CCDC6: variants seen among roughly 807,000 people sequenced by gnomAD.
The protein encoded by CCDC6 is coiled-coil domain containing 6.
CCDC6 carries 20 observed loss-of-function variants against 56.6 expected under a neutral mutation model. That is an observed-to-expected ratio of 0.35 (90% CI 0.25 to 0.51). The LOEUF is 0.51. Ranked by LOEUF, CCDC6 falls within the 20% of genes least tolerant of loss-of-function variation. The probability of loss-of-function intolerance (pLI) is 0.95; values close to 1 mark genes in which losing one functional copy is unlikely to be tolerated. For missense variants in CCDC6, 367 were observed against 601.1 expected, an observed-to-expected ratio of 0.61 and a Z score of 4.07; for synonymous variants, 241 against 234.4, an observed-to-expected ratio of 1.03 and a Z score of -0.26.
chr10:59,824,285 G>A (rs1361454235), intron 3 of CCDC6, among the ~76,000 whole-genome samples: 1 of 152,142 alleles, frequency 6.6e-6, no homozygotes, highest in Non-Finnish European at 1.5e-5. Context: ...GCACCCCTAA[G>A]TTGGCTTCAT....
Position 59,906,499 on chromosome 10 carries a change from G to A in CCDC6, c.-75C>T. The A allele has an allele frequency of 7.8e-7, 1 of 1,289,774 alleles. No homozygotes were observed. Among genetic ancestry groups the A allele is most frequent in the South Asian group, 1.6e-5 (1 of 61,304 alleles). 79.9% of individuals were successfully genotyped at this position (1,289,774 alleles called of 1,614,324 possible). On this transcript the variant is annotated 5_prime_UTR_variant, in exon 1 of 9. Transcript: ENST00000263102. Reference sequence around the variant, plus strand: ...GACGAAGGCCGGGCTGCGAATGAGTGGGCGCCGGGCGAGCACAGGGGAGCG... The same window carrying A: ...GACGAAGGCCGGGCTGCGAATGAGTAGGCGCCGGGCGAGCACAGGGGAGCG...
chr10:59,803,374 C>T (rs1378157618), intron 7 of CCDC6, among the ~76,000 whole-genome samples: 1 of 151,376 alleles, frequency 6.6e-6, no homozygotes, highest in Admixed American at 6.6e-5. Context: ...TATCCTGATG[C>T]AACGCTGTTT....
At chr10:59,874,206 T>G (rs1396485671) in intron 1 of CCDC6, among the ~76,000 whole-genome samples, 1 of 151,626 alleles carries the variant, frequency 6.6e-6, no homozygotes, top group African/African-American at 2.4e-5. Context: ...AAAACTATAA[T>G]GAGACAGGAC....
At chr10:59,865,021 C>T (rs758454251) in intron 1 of CCDC6, among the ~76,000 whole-genome samples, 6 of 152,138 alleles carry the variant, frequency 3.9e-5, no homozygotes, top group South Asian at 2.1e-4. Flanking sequence ...ACCTCCAAAA[C>T]GTTTTAGCTC....
chr10:59,836,751 T>G (rs2070886776), intron 2 of CCDC6, among the ~76,000 whole-genome samples: 1 of 152,218 alleles, frequency 6.6e-6, no homozygotes, highest in Admixed American at 6.5e-5. Flanking sequence ...ATGTTAACAC[T>G]AATAAAAATA....
At chr10:59,810,754 T>C (rs2070666093) in intron 5 of CCDC6, among the ~76,000 whole-genome samples, 1 of 152,114 alleles carries the variant, frequency 6.6e-6, no homozygotes, top group South Asian at 2.1e-4. Flanking sequence ...GGTGCTAGAA[T>C]AGTGATTCCC....
At chr10:59,835,842 G>A (rs2070877467) in intron 2 of CCDC6, among the ~76,000 whole-genome samples, 1 of 152,096 alleles carries the variant, frequency 6.6e-6, no homozygotes, top group Non-Finnish European at 1.5e-5. Flanking sequence ...AGGATCGCTT[G>A]AGCCCCAGAG....
At chr10:59,816,618 A>G (rs2070711428) in intron 3 of CCDC6, among the ~76,000 whole-genome samples, 1 of 152,254 alleles carries the variant, frequency 6.6e-6, no homozygotes, top group Non-Finnish European at 1.5e-5. Flanking sequence ...ATTGGATTAC[A>G]GTGAGCATTA....
intron 1 of CCDC6, among the ~76,000 whole-genome samples, chr10:59,864,893 C>T (rs1380711731): frequency 6.6e-6 from 1 of 152,214 alleles, no homozygotes; most frequent in Non-Finnish European, 1.5e-5. Context: ...AAACCACACA[C>T]ATTTGTAAGA....
chr10:59,890,684 G>A (rs552594159), intron 1 of CCDC6, among the ~76,000 whole-genome samples: 130 of 152,146 alleles, frequency 8.5e-4, no homozygotes, highest in African/African-American at 2.9e-3. Context: ...CAGCAAGGAA[G>A]GGGCAAACAG....
chr10:59,839,693 T>A (rs1159472626), intron 2 of CCDC6, among the ~76,000 whole-genome samples: 2 of 152,262 alleles, frequency 1.3e-5, no homozygotes, highest in Non-Finnish European at 2.9e-5. Context: ...AGGTTTTGCA[T>A]TCTTTCATAT....
intron 1 of CCDC6, among the ~76,000 whole-genome samples, chr10:59,899,631 A>C (rs1258574075): frequency 6.6e-6 from 1 of 152,210 alleles, no homozygotes; most frequent in Admixed American, 6.5e-5. Context: ...GTTGTTTCCC[A>C]GTGGTGCATT....
chr10:59,825,260 C>T (rs4948369), intron 3 of CCDC6, among the ~76,000 whole-genome samples: 30,512 of 152,154 alleles, frequency 0.2, 3,718 homozygotes, highest in Middle Eastern at 0.29. Flanking sequence ...TCCCCCATAG[C>T]GTTCTTGTGG....
chr10:59,903,594 A>G (rs1263392734), intron 1 of CCDC6, among the ~76,000 whole-genome samples: 1 of 152,236 alleles, frequency 6.6e-6, no homozygotes, highest in Admixed American at 6.5e-5. Flanking sequence ...TTAGTGCCCA[A>G]GGACATGAAC....
intron 7 of CCDC6, 43 bp downstream of exon 7, chr10:59,804,377 T>C (rs1351988195): frequency 3.5e-6 from 4 of 1,156,364 alleles, no homozygotes; most frequent in Non-Finnish European, 3.9e-6. Context: ...CTATTCAATG[T>C]GCCAGGAATC....
intron 2 of CCDC6, among the ~76,000 whole-genome samples, chr10:59,846,408 C>A (rs1265152864): frequency 4.6e-5 from 7 of 152,158 alleles, no homozygotes; most frequent in Admixed American, 2.6e-4. Flanking sequence ...GAGGTAGTTT[C>A]AGCAGTTTTG....
At chr10:59,810,879 A>C (rs2070666825) in intron 5 of CCDC6, among the ~76,000 whole-genome samples, 1 of 152,152 alleles carries the variant, frequency 6.6e-6, no homozygotes, top group South Asian at 2.1e-4. Context: ...AGATTATCCT[A>C]GATTATCACA....
Position 59,880,744 on chromosome 10 carries a change from T to C in CCDC6, c.303+25378A>G, listed in dbSNP as rs375630575. Among the ~76,000 whole-genome samples the C allele has an allele frequency of 7.9e-5, 12 of 152,220 alleles. No homozygotes were observed. In the East Asian group the frequency reaches 1.7e-3, roughly 22 times the overall value. ...TCTGAAAGTGGCATATGTCCACTAT[T>C]TAGGCCAGTTCCTTAACCTCTCTGA... On this transcript the variant is annotated intron_variant, in intron 1 of 8. Transcript: ENST00000263102.
chr10:59,805,493 T>C (rs147548335), intron 6 of CCDC6: 10 of 152,304 alleles, frequency 6.6e-5, no homozygotes, highest in African/African-American at 2.4e-5. Flanking sequence ...AAGGCTGAAA[T>C]TGCTTCACTA....
Sources: allele counts gnomAD v4.1 joint callset (sites outside exome capture counted in the v4.1 genomes callset), GRCh38; gene constraint gnomAD v4.1.1; transcripts MANE v1.5; gene names NCBI Gene and HGNC (gene_info 2026-07-23, HGNC 2026-07-21).